The following JCAD variants were observed in gnomAD, a reference collection of about 807,000 sequenced individuals.
JCAD encodes junctional cadherin 5-associated protein.
JCAD carries 40 observed loss-of-function variants against 98.0 expected under a neutral mutation model. That is an observed-to-expected ratio of 0.41 (90% CI 0.32 to 0.53). JCAD has a LOEUF of 0.53. Among genes scored for constraint, JCAD ranks in the 20% least tolerant of loss-of-function variants. The pLI is 0.31. For missense variants in JCAD, 1,705 were observed against 1,738.1 expected, an observed-to-expected ratio of 0.98 and a Z score of 0.34; for synonymous variants, 691 against 682.3, an observed-to-expected ratio of 1.01 and a Z score of -0.20.
At chr10:30,107,299 G>A (rs1461614594) in intron 1 of JCAD, among the ~76,000 whole-genome samples, 1 of 152,186 alleles carries the variant, frequency 6.6e-6, no homozygotes, top group Non-Finnish European at 1.5e-5. Flanking sequence ...AGGTAAAGAA[G>A]CTAGCCAGAA....
chr10:30,111,477 G>A lies in JCAD; in HGVS notation n.128+3890C>T, dbSNP rs556900643. Among the ~76,000 whole-genome samples the A allele has an allele frequency of 2.6e-5, 4 of 152,244 alleles. No homozygotes were observed. In the South Asian group the frequency reaches 8.3e-4, roughly 32 times the overall value. ...CAAATACATATTGAGTTCCCACAGT[G>A]ATGAACACAGTCCTAAGTACTGAGA... is the stretch of plus-strand genomic sequence containing the variant. On this transcript the variant is annotated intron_variant and non_coding_transcript_variant, in intron 1 of 2. Coordinates refer to the JCAD transcript ENST00000465712.
chr10:30,028,209 A>G lies in JCAD; in HGVS notation c.1939T>C (p.Phe647Leu), dbSNP rs1181985581. Residue 647 changes from phenylalanine to leucine, a missense_variant, in exon 3 of 4, where the codon TTC (phenylalanine) becomes CTC (leucine). By Grantham distance (22) the Phe-to-Leu change is conservative. This residue lies in a region of JCAD where 1,278 missense variants were observed against 1,243.1 expected (regional missense o/e 1.03). Transcript: ENST00000375377. ...LTGSMGGRTE[F>L]QKQDLGEPEE... ...GGTTCCCCTAGATCTTGTTTTTGGA[A>G]CTCCGTTCTCCCACCCATGCTTCCT... The G allele has an allele frequency of 6.8e-6, 11 of 1,613,398 alleles. No homozygotes were observed. The highest frequency in any genetic ancestry group is 9.3e-6 in the Non-Finnish European group (11 of 1,179,886).
intron 1 of JCAD, among the ~76,000 whole-genome samples, chr10:30,110,403 G>A (rs1838671562): frequency 1.3e-5 from 2 of 150,772 alleles, no homozygotes; most frequent in Non-Finnish European, 3.0e-5. Flanking sequence ...GGACCAGCTG[G>A]TGTATGGACC....
intron 1 of JCAD, among the ~76,000 whole-genome samples, chr10:30,052,400 G>A (rs765264275): frequency 5.3e-5 from 8 of 152,176 alleles, no homozygotes; most frequent in Non-Finnish European, 1.0e-4. Context: ...GCCTATTCTC[G>A]CCTGTGATGA....
At chr10:30,092,939 G>T (rs1589715976) in intron 1 of JCAD, among the ~76,000 whole-genome samples, 1 of 152,204 alleles carries the variant, frequency 6.6e-6, no homozygotes, top group Non-Finnish European at 1.5e-5. Flanking sequence ...GGCAGTAAAA[G>T]ATCCCTAAAT....
chr10:30,092,098 T>TTAAATATATATATATATATATATATA (rs11268260), intron 1 of JCAD, among the ~76,000 whole-genome samples: 22 of 44,578 alleles, frequency 4.9e-4, no homozygotes, highest in Admixed American at 9.1e-4. Context: ...TAAAGTTACT[T>TTAAATATATATATATATATATATATA]TATATATATA....
upstream of JCAD, among the ~76,000 whole-genome samples, chr10:30,059,941 A>G (rs1837670301): frequency 6.6e-6 from 1 of 152,130 alleles, no homozygotes; most frequent in African/African-American, 2.4e-5. This position sits in a 1 kb window ranked among gnomAD's most constrained non-coding sequence, Gnocchi z 5.0. Context: ...AGGCGCACAC[A>G]AACACATATA....
In JCAD at chr10:30,070,492, G is replaced by A. The variant is rs1035717827; in HGVS notation, n.129-671C>T. Reference sequence around the variant, plus strand: ...CATTTTCAAGTCAGCAGGGAACTACGTGCACTTTTTAGTTTTCGCAAATTA... The same window carrying A: ...CATTTTCAAGTCAGCAGGGAACTACATGCACTTTTTAGTTTTCGCAAATTA... On this transcript the variant is annotated intron_variant and non_coding_transcript_variant, in intron 1 of 2. Transcript: ENST00000465712. Among the ~76,000 whole-genome samples the A allele has an allele frequency of 5.9e-5, 9 of 152,188 alleles. 1 individual carries two copies. The highest frequency in any genetic ancestry group is 4.1e-4 in the South Asian group (2 of 4,832).
intron 2 of JCAD, among the ~76,000 whole-genome samples, chr10:30,033,207 C>G (rs941420834): frequency 6.6e-6 from 1 of 152,232 alleles, no homozygotes; most frequent in Non-Finnish European, 1.5e-5. Context: ...CTGCATTTTA[C>G]TTCTTCCAGT....
In JCAD at chr10:30,027,086, T is replaced by A; in HGVS notation, c.3062A>T (p.Lys1021Met). Residue 1021 changes from lysine to methionine, a missense_variant, in exon 3 of 4, where the codon AAG (lysine) becomes ATG (methionine). Around this residue, in one of 3 missense-constraint regions of JCAD, gnomAD observed 1,278 missense variants for 1,243.1 expected, o/e 1.03. Coordinates refer to ENST00000375377, the MANE Select transcript of JCAD (RefSeq NM_020848.4). ...CCCCCTCTCTCCACCACTGTCAAAC[T>A]TCCGAGGGACCGCTTCACTTGGTTT... ...SVKPSEAVPR[K>M]FDSGGERGAG... is the part of the protein sequence containing the mutation. 1 of 1,614,202 alleles carries A rather than the reference T, an allele frequency of 6.2e-7. No individual in the cohort carries two copies. The highest frequency in any genetic ancestry group is 8.5e-7 in the Non-Finnish European group (1 of 1,180,024).
chr10:30,075,178 T>A (rs1837961441), intron 1 of JCAD, among the ~76,000 whole-genome samples: 1 of 152,226 alleles, frequency 6.6e-6, no homozygotes, highest in Admixed American at 6.5e-5. Flanking sequence ...AATGTCTTAT[T>A]CTTCTATGAA....
At chr10:30,072,886 C>T (rs1240994177) in intron 1 of JCAD, among the ~76,000 whole-genome samples, 2 of 152,162 alleles carry the variant, frequency 1.3e-5, no homozygotes, top group Non-Finnish European at 2.9e-5. Context: ...TCCTGTGCCA[C>T]CTCGGTCTCC....
In JCAD at chr10:30,091,808, G is replaced by C. The variant is rs193191824; in HGVS notation, n.129-21987C>G. On this transcript the variant is annotated intron_variant and non_coding_transcript_variant, in intron 1 of 2. Coordinates refer to the JCAD transcript ENST00000465712. ...GGAGGCCAAGGCGGGTGGATCACCTGATGTCAGGAGTTCAAGAGCAGCCTG... is the reference window on the plus strand; with the variant it reads ...GGAGGCCAAGGCGGGTGGATCACCTCATGTCAGGAGTTCAAGAGCAGCCTG... 4.0e-3 allele frequency among the ~76,000 whole-genome samples: 551 copies of C among 138,194 alleles called. 4 individuals are homozygous for C. Among genetic ancestry groups the C allele is most frequent in the African/African-American group, 0.014 (525 of 36,762 alleles). 90.7% of individuals were successfully genotyped at this position (138,194 alleles called of 152,430 possible). A position where few individuals can be genotyped will look rare whatever the true frequency, so the allele number is the denominator to read the frequency against.
Position 30,015,140 on chromosome 10 carries a change from A to T in JCAD, c.*2743T>A, listed in dbSNP as rs959571579. ...TTTGCAAATCAAGAAATACTAATCCATTGCATATGTAATCCCTCATATAAT... is the reference window on the plus strand; with the variant it reads ...TTTGCAAATCAAGAAATACTAATCCTTTGCATATGTAATCCCTCATATAAT... On this transcript the variant is annotated 3_prime_UTR_variant, in exon 4 of 4. Coordinates refer to ENST00000375377, the MANE Select transcript of JCAD (RefSeq NM_020848.4). 2 of 152,220 alleles carry T rather than the reference A, an allele frequency of 1.3e-5. No homozygotes were observed. Among genetic ancestry groups the T allele is most frequent in the African/African-American group, 2.4e-5 (1 of 41,446 alleles). The allele number at this position is 152,220 out of a possible 1,614,324, so 9.4% of individuals were successfully genotyped here. A position where few individuals can be genotyped will look rare whatever the true frequency, so the allele number is the denominator to read the frequency against.
At chr10:30,039,829 G>A (rs544024871) in intron 2 of JCAD, among the ~76,000 whole-genome samples, 8 of 152,148 alleles carry the variant, frequency 5.3e-5, no homozygotes, top group Admixed American at 3.3e-4. Flanking sequence ...GAACGCTGTC[G>A]GCAGCGTCCT....
intron 3 of JCAD, among the ~76,000 whole-genome samples, chr10:30,018,736 C>T (rs551087728): frequency 1.3e-5 from 2 of 152,274 alleles, no homozygotes; most frequent in South Asian, 2.1e-4. Context: ...AAGGCTCACA[C>T]GTGCGCCTCC....
chr10:30,033,500 G>T (rs1260840685), intron 2 of JCAD, among the ~76,000 whole-genome samples: 2 of 152,232 alleles, frequency 1.3e-5, no homozygotes, highest in African/African-American at 4.8e-5. Context: ...GTCGTGCAGA[G>T]GAGAGCCGGT....
rs758913981 is a variant in JCAD, at chr10:30,027,339, C to A, written c.2809G>T (p.Val937Leu). 1.9e-6 allele frequency: 3 copies of A among 1,612,916 alleles called. No individual in the cohort carries two copies. Among genetic ancestry groups the A allele is most frequent in the South Asian group, 1.1e-5 (1 of 91,080 alleles). Residue 937 changes from valine to leucine, a missense_variant, in exon 3 of 4, where the codon GTG becomes TTG. By Grantham distance (32) the Val-to-Leu change is conservative. This residue lies in a region of JCAD where 1,278 missense variants were observed against 1,243.1 expected (regional missense o/e 1.03). Coordinates refer to ENST00000375377, the MANE Select transcript of JCAD (RefSeq NM_020848.4). The part of the protein sequence containing the change: ...AWPPSPGRFR[V>L]EEGGGAPFCS... The stretch of plus-strand genomic sequence containing the variant: ...AAAGGTGCACCGCCACCTTCTTCCA[C>A]GCGAAAGCGGCCCGGGGATGGAGGC...
At chr10:30,067,254 A>G (rs1405799048) in intron 2 of JCAD, among the ~76,000 whole-genome samples, 4 of 152,086 alleles carry the variant, frequency 2.6e-5, no homozygotes, top group African/African-American at 9.7e-5. Flanking sequence ...AGAATGGTGT[A>G]TCAGGCTTTT....
Sources: gnomAD v4.1 joint callset for allele counts (sites outside exome capture counted in the v4.1 genomes callset) on GRCh38, gnomAD v4.1.1 for gene constraint, gnomAD v4.1.1 regional missense constraint, Gnocchi (gnomAD v3.1) non-coding constraint, MANE v1.5 for transcripts, NCBI Gene and HGNC (gene_info 2026-07-23, HGNC 2026-07-21) for gene names.